Variants in PPARGC1A observed in about 807,000 individuals in gnomAD.
PPARGC1A encodes the protein peroxisome proliferator-activated receptor gamma coactivator 1-alpha.
A neutral mutation model predicts 88.7 loss-of-function variants in PPARGC1A; 25 were observed. That is an observed-to-expected ratio of 0.28 (90% CI 0.21 to 0.39). The LOEUF (loss-of-function observed/expected upper bound fraction) is 0.39. Ranked by LOEUF, PPARGC1A falls within the 10% of genes least tolerant of loss-of-function variation. The probability of loss-of-function intolerance (pLI) is 1.00; values close to 1 mark genes in which losing one functional copy is unlikely to be tolerated. For synonymous variants in PPARGC1A, 363 were observed against 355.6 expected, an observed-to-expected ratio of 1.02 and a Z score of -0.24; for missense variants, 880 against 968.7, an observed-to-expected ratio of 0.91 and a Z score of 1.22.
the PPARGC1A span, among the ~76,000 whole-genome samples, chr4:24,406,834 A>G: frequency 6.6e-6 from 1 of 152,240 alleles, no homozygotes; most frequent in African/African-American, 2.4e-5. Context: ...CTGGCCATCC[A>G]GCACCAAGAT....
chr4:24,102,664 G>A, the PPARGC1A span, among the ~76,000 whole-genome samples: 57 of 152,270 alleles, frequency 3.7e-4, no homozygotes, highest in African/African-American at 9.9e-4. Context: ...AGTGCTATCC[G>A]GGAACTTTTG....
chr4:23,880,813 A>C (rs1313163851), intron 2 of PPARGC1A: 2 of 152,202 alleles, frequency 1.3e-5, no homozygotes, highest in African/African-American at 4.8e-5. Flanking sequence ...CAGCTGTGAG[A>C]GTCCTTCTCC....
the PPARGC1A span, among the ~76,000 whole-genome samples, chr4:23,987,168 A>G: frequency 6.6e-6 from 1 of 152,044 alleles, no homozygotes; most frequent in Non-Finnish European, 1.5e-5. Flanking sequence ...ACAGAATTGC[A>G]AAATCGCTTG....
the PPARGC1A span, among the ~76,000 whole-genome samples, chr4:24,001,290 A>C: frequency 6.6e-6 from 1 of 152,190 alleles, no homozygotes; most frequent in Non-Finnish European, 1.5e-5. Context: ...GAAATAATTC[A>C]CATCTTCAAG....
At chr4:24,353,404 C>T in the PPARGC1A span, among the ~76,000 whole-genome samples, 943 of 148,848 alleles carry the variant, frequency 6.3e-3, 10 homozygotes, top group African/African-American at 0.022. Context: ...AAAAAAAAGA[C>T]AGGGACAATG....
At chr4:24,198,229 A>G in the PPARGC1A span, among the ~76,000 whole-genome samples, 1 of 152,218 alleles carries the variant, frequency 6.6e-6, no homozygotes, top group Non-Finnish European at 1.5e-5. Flanking sequence ...GAACCTCTAA[A>G]TAACCAAAGT....
the PPARGC1A span, among the ~76,000 whole-genome samples, chr4:24,296,038 GTGTA>G: frequency 6.5e-3 from 679 of 103,738 alleles, 29 homozygotes; most frequent in South Asian, 0.12. Flanking sequence ...GTGTATATAT[GTGTA>G]TGTGTGTATG....
At chr4:24,207,233 T>A in the PPARGC1A span, among the ~76,000 whole-genome samples, 1 of 152,168 alleles carries the variant, frequency 6.6e-6, no homozygotes, top group Non-Finnish European at 1.5e-5. Flanking sequence ...CAATATGATT[T>A]TTGAATTCAC....
the PPARGC1A span, among the ~76,000 whole-genome samples, chr4:24,190,286 T>C: frequency 6.6e-5 from 10 of 151,858 alleles, 1 homozygote; most frequent in South Asian, 2.1e-3. Context: ...GAGGCCGAGG[T>C]GGGTGGATCA....
the PPARGC1A span, among the ~76,000 whole-genome samples, chr4:24,378,542 C>T: frequency 5.0e-3 from 759 of 151,942 alleles, 6 homozygotes; most frequent in East Asian, 0.011. Flanking sequence ...TTCACCGTAA[C>T]GGATAACACT....
the PPARGC1A span, among the ~76,000 whole-genome samples, chr4:24,009,133 TA>T: frequency 4.0e-5 from 3 of 74,472 alleles, no homozygotes; most frequent in Admixed American, 1.6e-4. Context: ...CCGCAGTCTA[TA>T]AAAAAAAAAA....
chr4:23,868,185 G>A (rs946558518), intron 2 of PPARGC1A, among the ~76,000 whole-genome samples: 1 of 152,044 alleles, frequency 6.6e-6, no homozygotes, highest in Non-Finnish European at 1.5e-5. Flanking sequence ...ATATAGCAGC[G>A]CCTTTACCCG....
At chr4:24,431,454 C>A in the PPARGC1A span, among the ~76,000 whole-genome samples, 1 of 152,074 alleles carries the variant, frequency 6.6e-6, no homozygotes. Context: ...GAGATAGAAA[C>A]ATGGATACAG....
At chr4:23,895,654 T>C (rs1433957497) in intron 1 of PPARGC1A, among the ~76,000 whole-genome samples, 1 of 152,038 alleles carries the variant, frequency 6.6e-6, no homozygotes, top group African/African-American at 2.4e-5. Flanking sequence ...GACCTCTACA[T>C]TTAGCAGCTC....
the PPARGC1A span, among the ~76,000 whole-genome samples, chr4:24,150,603 A>G: frequency 6.6e-6 from 1 of 152,316 alleles, no homozygotes; most frequent in African/African-American, 2.4e-5. Context: ...TTGCTAGAGC[A>G]TAACTCCTGA....
At chr4:24,399,349 A>C in the PPARGC1A span, among the ~76,000 whole-genome samples, 2 of 152,230 alleles carry the variant, frequency 1.3e-5, no homozygotes, top group Non-Finnish European at 2.9e-5. Flanking sequence ...GGCTGATGTT[A>C]CTTTTATAAT....
chr4:23,877,658 C>A (rs1715075161), intron 2 of PPARGC1A: 1 of 150,318 alleles, frequency 6.7e-6, no homozygotes, highest in South Asian at 2.1e-4. Context: ...ATAAAACCCA[C>A]AATAAAATTT....
chr4:24,198,990 A>C, the PPARGC1A span, among the ~76,000 whole-genome samples: 1 of 152,188 alleles, frequency 6.6e-6, no homozygotes, highest in Non-Finnish European at 1.5e-5. Context: ...AAGGGACATA[A>C]GGCAGGACAG....
the PPARGC1A span, among the ~76,000 whole-genome samples, chr4:24,055,518 A>G: frequency 2.0e-5 from 3 of 152,384 alleles, no homozygotes; most frequent in Non-Finnish European, 4.4e-5. Flanking sequence ...GCATTTATGT[A>G]TAAGAACCCA....
Sources: allele counts gnomAD v4.1 joint callset (sites outside exome capture counted in the v4.1 genomes callset), GRCh38; gene constraint gnomAD v4.1.1; transcripts MANE v1.5; gene names NCBI Gene and HGNC (gene_info 2026-07-23, HGNC 2026-07-21).